Variants in OGFR observed in about 807,000 individuals in gnomAD.
OGFR encodes opioid growth factor receptor.
Under a neutral mutation model 33.6 loss-of-function variants are expected in OGFR, and 18 were observed. That is an observed-to-expected ratio of 0.54 (90% CI 0.37 to 0.80). The LOEUF (loss-of-function observed/expected upper bound fraction) is 0.80, where lower values mean the gene tolerates loss of function less well. Ranked by LOEUF, OGFR falls within the 30% of genes least tolerant of loss-of-function variation. The probability of loss-of-function intolerance (pLI) is 0.00; values close to 1 mark genes in which losing one functional copy is unlikely to be tolerated. For synonymous variants in OGFR, 370 were observed against 400.7 expected (o/e 0.92, Z 0.91); for missense variants, 877 against 955.8 (o/e 0.92, Z 1.09).
At chr20:62,805,132 T>C in intron 1 of OGFR, 102 bp downstream of exon 1, 1 of 906,882 alleles carries the variant, frequency 1.1e-6, no homozygotes, top group South Asian at 4.1e-5. Flanking sequence ...ACCTGGAGCC[T>C]CCTGGAGCTC....
At position 62,813,153 on chromosome 20, in the gene OGFR, G is replaced by C; in HGVS notation, c.1538G>C (p.Gly513Ala). ...GAAGGTCGAACGGGGCCCAAAGAAGGTACCCCTGGGAGCCCATCGGAGACC... is the reference window on the plus strand; with the variant it reads ...GAAGGTCGAACGGGGCCCAAAGAAGCTACCCCTGGGAGCCCATCGGAGACC... ...DTEGRTGPKEGTPGSPSETPG... is the reference protein window; with the variant it reads ...DTEGRTGPKEATPGSPSETPG... Residue 513 changes from glycine to alanine, a missense_variant, in exon 7 of 7, where the codon GGT becomes GCT. This residue lies in a region of OGFR where 760 missense variants were observed against 736.0 expected (regional missense o/e 1.03). Transcript: ENST00000290291. The C allele has an allele frequency of 6.3e-7, 1 of 1,585,424 alleles. No individual in the cohort carries two copies. The highest frequency in any genetic ancestry group is 8.6e-7 in the Non-Finnish European group (1 of 1,166,398).
At chr20:62,809,707 AG>A (rs1568738568) in intron 4 of OGFR, 44 bp downstream of exon 4, 3 of 741,978 alleles carry the variant, frequency 4.0e-6, no homozygotes, top group Non-Finnish European at 6.1e-6. Flanking sequence ...GCGAGGCCAC[AG>A]GGGGAGGGCC....
At chr20:62,809,451 A>T in intron 3 of OGFR, 134 bp from the exon 4 acceptor site, 1 of 686,446 alleles carries the variant, frequency 1.5e-6, no homozygotes, top group Non-Finnish European at 2.7e-6. Context: ...GAAGAGCCTC[A>T]GGAGATGAGG....
chr20:62,807,294 GGC>G, intron 1 of OGFR: 2 of 556,464 alleles, frequency 3.6e-6, no homozygotes, highest in Admixed American at 3.3e-5. Context: ...CCCCCCACCT[GGC>G]TACCGCAGCC....
chr20:62,811,657 G>A, intron 6 of OGFR, 47 bp downstream of exon 6: 1 of 1,431,978 alleles, frequency 7.0e-7, no homozygotes, highest in South Asian at 1.3e-5. Flanking sequence ...CGCAGAACAG[G>A]GCCACGTCAG....
Position 62,807,481 on chromosome 20 carries a change from G to C in OGFR, c.172-56G>C. On this transcript the variant is annotated intron_variant, in intron 1 of 6. Transcript: ENST00000290291. ...CAGGCCCTGCAGCCCTCACCACGTTGGGACTCACTTGGGGGTCTCCCATGG... is the reference window on the plus strand; with the variant it reads ...CAGGCCCTGCAGCCCTCACCACGTTCGGACTCACTTGGGGGTCTCCCATGG... 3 of 1,526,928 alleles carry C rather than the reference G, an allele frequency of 2.0e-6. No individual in the cohort carries two copies. The South Asian group carries it at 3.4e-5, about 17-fold the overall frequency. 94.6% of individuals were successfully genotyped at this position (1,526,928 alleles called of 1,614,324 possible).
chr20:62,807,670 G>A (rs1990628601), intron 2 of OGFR, 65 bp downstream of exon 2: 10 of 1,525,916 alleles, frequency 6.6e-6, no homozygotes, highest in African/African-American at 1.4e-5. Context: ...CAGGCAGAAT[G>A]TCCCAGGTTC....
In OGFR at chr20:62,811,624, G is replaced by GCGGGCGC; in HGVS notation, c.614+15_614+16insGGGCGCC. ...GAACCTGAACTGGTGAGGCCCGGCTGCTCCCGCCCACCCCCACCCCGGCGC... is the reference window on the plus strand; with the variant it reads ...GAACCTGAACTGGTGAGGCCCGGCTGCGGGCGCCTCCCGCCCACCCCCACCCCGGCGC... On this transcript the variant is annotated intron_variant, in intron 6 of 6. Coordinates refer to ENST00000290291, the MANE Select transcript of OGFR (RefSeq NM_007346.4). 1 of 1,551,476 alleles carries GCGGGCGC rather than the reference G, an allele frequency of 6.4e-7. No individual in the cohort carries two copies. Among genetic ancestry groups the GCGGGCGC allele is most frequent in the Non-Finnish European group, 8.7e-7 (1 of 1,147,368 alleles).
chr20:62,811,604 T>G lies in OGFR; in HGVS notation c.608T>G (p.Leu203Arg). The change falls in exon 6 of 7, where the codon CTG (leucine) becomes CGG (arginine). Residue 203 changes from leucine to arginine, a missense_variant. By Grantham distance (102) the Leu-to-Arg change is moderately radical (BLOSUM62 -2). This residue lies in a region of OGFR where 760 missense variants were observed against 736.0 expected (regional missense o/e 1.03). Coordinates refer to ENST00000290291, the MANE Select transcript of OGFR (RefSeq NM_007346.4). ...AQNYQKRFQN[L>R]NWRSHNNLRI... ...AACTACCAGAAGCGCTTCCAGAACC[T>G]GAACTGGTGAGGCCCGGCTGCTCCC... The G allele has an allele frequency of 6.3e-7, 1 of 1,582,626 alleles. No homozygotes were observed.
rs577689902 is a variant in OGFR, at chr20:62,813,710, C to A, written c.*61C>A. The A allele has an allele frequency of 1.9e-6, 3 of 1,580,452 alleles. No individual in the cohort carries two copies. The highest frequency in any genetic ancestry group is 2.6e-6 in the Non-Finnish European group (3 of 1,152,972). On this transcript the variant is annotated 3_prime_UTR_variant, in exon 7 of 7. Coordinates refer to ENST00000290291, the MANE Select transcript of OGFR (RefSeq NM_007346.4). ...TCCCTGCTGCAGGGGCTGGGGCCTC[C>A]GGAGCTGCTGCGGGCTCCCCTCAGG...
In OGFR at chr20:62,804,866, G is replaced by C. The variant is rs1282635940; in HGVS notation, c.7G>C (p.Asp3His). The change falls in exon 1 of 7, where the codon GAC becomes CAC. Residue 3 changes from aspartate to histidine, a missense_variant. Transcript: ENST00000290291. ...AGCCCCGCCGCCGCCGAGCATGGAC[G>C]ACCCCGACTGCGACTCCACCTGGGA... MD[D>H]PDCDSTWEED... 6.2e-6 allele frequency: 9 copies of C among 1,442,618 alleles called. No homozygotes were observed. In the South Asian group the frequency reaches 7.8e-5, roughly 13 times the overall value. The allele number at this position is 1,442,618 out of a possible 1,614,324, so 89.4% of individuals were successfully genotyped here. A position where few individuals can be genotyped will look rare whatever the true frequency, so the allele number is the denominator to read the frequency against.
rs762555979 is a variant in OGFR at position 62,813,157 on chromosome 20, C to G, written c.1542C>G (p.Thr514=). The change falls in exon 7 of 7, where the codon ACC becomes ACG. Residue 514 remains threonine, a synonymous_variant. Coordinates refer to ENST00000290291, the MANE Select transcript of OGFR (RefSeq NM_007346.4). Reference sequence around the variant, plus strand: ...GTCGAACGGGGCCCAAAGAAGGTACCCCTGGGAGCCCATCGGAGACCCCAG... The same window carrying G: ...GTCGAACGGGGCCCAAAGAAGGTACGCCTGGGAGCCCATCGGAGACCCCAG... ...TEGRTGPKEG[T]PGSPSETPGP... 2 of 1,586,426 alleles carry G rather than the reference C, an allele frequency of 1.3e-6. No individual in the cohort carries two copies. Among genetic ancestry groups the G allele is most frequent in the East Asian group, 2.3e-5 (1 of 43,238 alleles).
At chr20:62,810,448 G>T (rs1990698395) in intron 4 of OGFR, 51 bp from the exon 5 acceptor site, 3 of 1,589,786 alleles carry the variant, frequency 1.9e-6, no homozygotes, top group East Asian at 2.2e-5. Flanking sequence ...CCTGCCCAAG[G>T]TCTGGAAGCG....
At position 62,808,323 on chromosome 20, in the gene OGFR, A is replaced by C; in HGVS notation, c.317A>C (p.Asn106Thr). Reference sequence around the variant, plus strand: ...AGAAATGAGATCCGCTTCCTGCCCAACGGTAGGTGCCTCACAACCACTGGC... The same window carrying C: ...AGAAATGAGATCCGCTTCCTGCCCACCGGTAGGTGCCTCACAACCACTGGC... Reference protein sequence around the residue: ...FYRNEIRFLPNGCFIEDILQN... With the variant: ...FYRNEIRFLPTGCFIEDILQN... Residue 106 changes from asparagine (N) to threonine (T), a missense_variant and splice_region_variant, in exon 3 of 7, where the codon AAC becomes ACC. Transcript: ENST00000290291. 6.2e-7 allele frequency: 1 copy of C among 1,611,594 alleles called. No homozygotes were observed. Among genetic ancestry groups the C allele is most frequent in the Non-Finnish European group, 8.5e-7 (1 of 1,178,464 alleles).
chr20:62,812,526 T>C lies in OGFR; in HGVS notation c.911T>C (p.Leu304Pro). Residue 304 changes from leucine to proline, a missense_variant, in exon 7 of 7, where the codon CTC (leucine) becomes CCC (proline). Transcript: ENST00000290291. ...AAGCCCAGCTCTCTGCCCCATCCGC[T>C]CGAGGGCTCCAGGAAGGTGGAGGAG... ...RFKPSSLPHPLEGSRKVEEEG... is the reference protein window; with the variant it reads ...RFKPSSLPHPPEGSRKVEEEG... The C allele has an allele frequency of 1.3e-6, 2 of 1,585,528 alleles. No individual in the cohort carries two copies. Among genetic ancestry groups the C allele is most frequent in the Non-Finnish European group, 1.7e-6 (2 of 1,166,572 alleles).
In OGFR at chr20:62,810,691, C is replaced by T. The variant is rs6010749; in HGVS notation, c.465+126C>T. The T allele has an allele frequency of 0.21, 166,308 of 793,182 alleles. 19,675 individuals carry two copies. Among genetic ancestry groups the T allele is most frequent in the African/African-American group, 0.27 (15,951 of 58,524 alleles). The allele number at this position is 793,182 out of a possible 1,614,324, so 49.1% of individuals were successfully genotyped here. On this transcript the variant is annotated intron_variant, in intron 5 of 6. Transcript: ENST00000290291. ...GCCCCCTCAGGGGTCCCTTGGAAGG[C>T]AGAAGGGCCGAAAGAGCCTCCAGTA... is the stretch of plus-strand genomic sequence containing the variant.
chr20:62,809,139 A>G (rs1990666894), intron 3 of OGFR, among the ~76,000 whole-genome samples: 1 of 152,186 alleles, frequency 6.6e-6, no homozygotes, highest in Non-Finnish European at 1.5e-5. Context: ...GCTGCACAAA[A>G]CACTGTCAGG....
Position 62,811,527 on chromosome 20 carries a change from C to T in OGFR, c.531C>T (p.Phe177=). The T allele has an allele frequency of 1.2e-6, 2 of 1,608,474 alleles. No homozygotes were observed. The highest frequency in any genetic ancestry group is 8.5e-7 in the Non-Finnish European group (1 of 1,178,276). ...GGGCCTACGAGCTCATGCTGGGCTTCTACGGGATCCGGCTGGAGGACCGAG... is the reference window on the plus strand; with the variant it reads ...GGGCCTACGAGCTCATGCTGGGCTTTTACGGGATCCGGCTGGAGGACCGAG... ...LVRAYELMLG[F]YGIRLEDRGT... Residue 177 remains phenylalanine (F), a synonymous_variant, in exon 6 of 7, where the codon TTC becomes TTT. Coordinates refer to ENST00000290291, the MANE Select transcript of OGFR (RefSeq NM_007346.4).
At position 62,810,568 on chromosome 20, in the gene OGFR, G is replaced by A. The variant is rs748589494; in HGVS notation, c.465+3G>A. On this transcript the variant is annotated splice_donor_region_variant and intron_variant, in intron 5 of 6. Coordinates refer to ENST00000290291, the MANE Select transcript of OGFR (RefSeq NM_007346.4). ...CCCTCACGCTCAGGGAGGTCGAGGT[G>A]AGCCAGGCCTTGGCTGTGACTGGAG... 1.5e-5 allele frequency: 24 copies of A among 1,612,392 alleles called. No homozygotes were observed. The highest frequency in any genetic ancestry group is 8.5e-6 in the Non-Finnish European group (10 of 1,179,720).
Sources: allele counts gnomAD v4.1 joint callset (sites outside exome capture counted in the v4.1 genomes callset), GRCh38; gene constraint gnomAD v4.1.1; regional missense constraint gnomAD v4.1.1; transcripts MANE v1.5; gene names NCBI Gene and HGNC (gene_info 2026-07-23, HGNC 2026-07-21).